Variants in HECW1 observed in about 807,000 individuals in gnomAD.
The protein encoded by HECW1 is HECT, C2 and WW domain containing E3 ubiquitin protein ligase 1.
A neutral mutation model predicts 182.3 loss-of-function variants in HECW1; 61 were observed. That is an observed-to-expected ratio of 0.33 (90% CI 0.27 to 0.41). HECW1 has a LOEUF of 0.41. Ranked by LOEUF, HECW1 falls within the 10% of genes least tolerant of loss-of-function variation. The pLI, the probability that HECW1 is intolerant of heterozygous loss-of-function variation, is 1.00. For synonymous variants in HECW1, 859 were observed against 832.6 expected (o/e 1.03, Z -0.55); for missense variants, 1,739 against 2,108.9 (o/e 0.82, Z 3.44).
intron 3 of HECW1, among the ~76,000 whole-genome samples, chr7:43,283,893 C>T (rs749349126): frequency 6.6e-6 from 1 of 152,162 alleles, no homozygotes; most frequent in Admixed American, 6.5e-5. Context: ...CCTACCTGAG[C>T]GTGTCATTTC....
intron 2 of HECW1, among the ~76,000 whole-genome samples, chr7:43,233,594 CA>C (rs1165303132): frequency 6.6e-6 from 1 of 152,126 alleles, no homozygotes; most frequent in Non-Finnish European, 1.5e-5. Context: ...TGAAAGCTTC[CA>C]AAATGGTGCA....
chr7:43,543,639 G>T (rs1324304167), intron 26 of HECW1, among the ~76,000 whole-genome samples: 5 of 151,616 alleles, frequency 3.3e-5, no homozygotes, highest in Admixed American at 2.0e-4. Context: ...ATTAGCTGGG[G>T]ATGATGGCAG....
intron 9 of HECW1, chr7:43,440,328 A>G (rs2076847604): frequency 6.6e-6 from 1 of 152,388 alleles, no homozygotes; most frequent in African/African-American, 2.4e-5. Context: ...CCCTGGGCAC[A>G]CATGCACTCT....
rs1387608802 is a variant in HECW1 at position 43,564,947 on chromosome 7, T to C, written c.*3021T>C. 5.4e-6 allele frequency: 1 copy of C among 185,700 alleles called. No homozygotes were observed. The highest frequency in any genetic ancestry group is 1.1e-5 in the Non-Finnish European group (1 of 87,756). The allele number at this position is 185,700 out of a possible 1,614,324, so 11.5% of individuals were successfully genotyped here. ...GCAAAATTAATCACTTATAAATTTA[T>C]AAGCCACAATCTCCCTAAAACAATT... On this transcript the variant is annotated 3_prime_UTR_variant, in exon 30 of 30. Coordinates refer to ENST00000395891, the MANE Select transcript of HECW1 (RefSeq NM_015052.5).
intron 3 of HECW1, among the ~76,000 whole-genome samples, chr7:43,304,054 A>G (rs1807208976): frequency 1.3e-5 from 2 of 152,170 alleles, no homozygotes; most frequent in Admixed American, 1.3e-4. Flanking sequence ...TTCCCTTAAC[A>G]GTCGTGACTC....
intron 28 of HECW1, 23 bp downstream of exon 28, chr7:43,552,359 G>C: frequency 6.2e-6 from 8 of 1,280,794 alleles, no homozygotes; most frequent in Non-Finnish European, 9.1e-6. Context: ...GAGCTGTAAT[G>C]ATGCAATGAT....
chr7:43,370,838 G>C (rs948367154), intron 6 of HECW1, among the ~76,000 whole-genome samples: 1 of 151,952 alleles, frequency 6.6e-6, no homozygotes. Context: ...AAGATTTAGC[G>C]GGGAAGGATG....
intron 8 of HECW1, among the ~76,000 whole-genome samples, chr7:43,417,073 G>A (rs187272217): frequency 5.9e-5 from 9 of 152,104 alleles, no homozygotes; most frequent in South Asian, 2.1e-4. Context: ...TTTTTGAGGC[G>A]GAGTTTCACT....
chr7:43,331,683 C>T (rs986294959), intron 5 of HECW1, among the ~76,000 whole-genome samples: 6 of 152,052 alleles, frequency 3.9e-5, no homozygotes, highest in African/African-American at 1.4e-4. Context: ...TAACTTAGTG[C>T]TTACAGGTAT....
chr7:43,354,796 T>C (rs1814900635), intron 5 of HECW1, among the ~76,000 whole-genome samples: 1 of 152,034 alleles, frequency 6.6e-6, no homozygotes, highest in African/African-American at 2.4e-5. Context: ...TATATATCCA[T>C]CCAGATACAG....
chr7:43,272,844 G>A (rs1006066206), intron 3 of HECW1, among the ~76,000 whole-genome samples: 8 of 152,002 alleles, frequency 5.3e-5, no homozygotes, highest in Admixed American at 2.0e-4. Flanking sequence ...AAAACAAACC[G>A]TTACACCAAA....
chr7:43,189,436 G>GA (rs1337977396), intron 2 of HECW1, among the ~76,000 whole-genome samples: 6 of 152,082 alleles, frequency 3.9e-5, no homozygotes, highest in African/African-American at 1.2e-4. Flanking sequence ...AAGCTTATTG[G>GA]AAAATCATTA....
At chr7:43,523,699 G>A (rs1178043550) in intron 24 of HECW1, among the ~76,000 whole-genome samples, 1 of 152,170 alleles carries the variant, frequency 6.6e-6, no homozygotes, top group East Asian at 1.9e-4. Flanking sequence ...AATGGCAAGT[G>A]TAGATTGCAG....
At chr7:43,329,947 A>C (rs140123249) in intron 5 of HECW1, among the ~76,000 whole-genome samples, 1 of 152,256 alleles carries the variant, frequency 6.6e-6, no homozygotes, top group East Asian at 1.9e-4. Flanking sequence ...TGTTATTCTG[A>C]TATGCCTGTA....
rs2074667794 is a variant in HECW1, at chr7:43,383,960, G to A, written c.556-12854G>A. 3.3e-5 allele frequency among the ~76,000 whole-genome samples: 5 copies of A among 152,176 alleles called. No individual in the cohort carries two copies. The South Asian group carries it at 8.3e-4, about 25-fold the overall frequency. ...TATTTGCTAGTCATTAAGTGGAAGT[G>A]GATCATCATAAAGGTTTTCATCCTT... is the stretch of plus-strand genomic sequence containing the variant. On this transcript the variant is annotated intron_variant, in intron 6 of 29. Transcript: ENST00000395891.
At chr7:43,559,071 A>G (rs1342139220) in intron 29 of HECW1, among the ~76,000 whole-genome samples, 1 of 152,176 alleles carries the variant, frequency 6.6e-6, no homozygotes, top group African/African-American at 2.4e-5. Context: ...TTTCTAGACA[A>G]CCTTAAAGTG....
In HECW1 at chr7:43,364,200, T is replaced by G. The variant is rs537482683; in HGVS notation, c.555+3220T>G. Among the ~76,000 whole-genome samples, 9 of 152,336 alleles carry G rather than the reference T, an allele frequency of 5.9e-5. No individual in the cohort carries two copies. In the East Asian group the frequency reaches 1.7e-3, roughly 29 times the overall value. On this transcript the variant is annotated intron_variant, in intron 6 of 29. Transcript: ENST00000395891. ...CAAGCTGTCACATGCTCCTTTGGTG[T>G]AATCAGCGCTTTAATTTTCTGAGCA...
chr7:43,398,462 G>GATGAATGAATGC (rs1478651509), intron 7 of HECW1, among the ~76,000 whole-genome samples: 2 of 152,128 alleles, frequency 1.3e-5, no homozygotes, highest in East Asian at 3.9e-4. Flanking sequence ...AACAGATGTT[G>GATGAATGAATGC]CAGGCCATGA....
At chr7:43,453,897 A>G (rs1217127195) in intron 12 of HECW1, among the ~76,000 whole-genome samples, 1 of 152,252 alleles carries the variant, frequency 6.6e-6, no homozygotes, top group Non-Finnish European at 1.5e-5. Context: ...GTTATAAAAT[A>G]TGTGAAAGTA....
Sources: allele counts gnomAD v4.1 joint callset (sites outside exome capture counted in the v4.1 genomes callset), GRCh38; gene constraint gnomAD v4.1.1; transcripts MANE v1.5; gene names NCBI Gene and HGNC (gene_info 2026-07-23, HGNC 2026-07-21).